Variants in RREB1 observed in about 807,000 individuals in gnomAD.
RREB1 encodes the protein ras responsive element binding protein 1, also known as ras-responsive element-binding protein 1.
RREB1 carries 27 observed loss-of-function variants against 117.8 expected under a neutral mutation model. That is an observed-to-expected ratio of 0.23 (90% CI 0.17 to 0.32). RREB1 has a LOEUF of 0.32. RREB1 is among the 10% of genes least tolerant of loss of function. The pLI is 1.00. For missense variants in RREB1, 2,577 were observed against 2,378.2 expected, an observed-to-expected ratio of 1.08 and a Z score of -1.74; for synonymous variants, 1,298 against 1,026.7, an observed-to-expected ratio of 1.26 and a Z score of -5.05.
intron 9 of RREB1, among the ~76,000 whole-genome samples, chr6:7,228,645 C>T (rs754376485): frequency 1.3e-5 from 2 of 151,628 alleles, no homozygotes; most frequent in Admixed American, 6.6e-5. Context: ...AGCTAGGACA[C>T]AGGCATGTAC....
At chr6:7,127,884 C>G (rs1762005168) in intron 1 of RREB1, among the ~76,000 whole-genome samples, 1 of 152,026 alleles carries the variant, frequency 6.6e-6, no homozygotes, top group African/African-American at 2.4e-5. Context: ...CTTGGATCCA[C>G]CCCCTTCACT....
intron 1 of RREB1, among the ~76,000 whole-genome samples, chr6:7,122,808 GT>G (rs1761733897): frequency 6.6e-6 from 1 of 150,950 alleles, no homozygotes; most frequent in African/African-American, 2.4e-5. Context: ...AATGAGAAGT[GT>G]GTTATAAATA....
At chr6:7,173,512 A>G (rs1226030373) in intron 1 of RREB1, among the ~76,000 whole-genome samples, 1 of 151,970 alleles carries the variant, frequency 6.6e-6, no homozygotes, top group African/African-American at 2.4e-5. Context: ...AAGAAAAAAA[A>G]AAAAAAGAAC....
At chr6:7,184,624 A>G (rs1764983474) in intron 4 of RREB1, 1 of 151,898 alleles carries the variant, frequency 6.6e-6, no homozygotes, top group Non-Finnish European at 1.5e-5. Context: ...GATTTTGTGG[A>G]CCTGTATGAT....
Position 7,249,031 on chromosome 6 carries a change from G to A in RREB1, c.*63G>A. On this transcript the variant is annotated 3_prime_UTR_variant, in exon 13 of 13. Coordinates refer to ENST00000379938, the MANE Select transcript of RREB1 (RefSeq NM_001003699.4). ...GAGCAAAGCGTCTATACTTCATGGG[G>A]TTTCCTCAGTGCCCTTTGGCTGTTG... The A allele has an allele frequency of 7.7e-7, 1 of 1,290,904 alleles. No individual in the cohort carries two copies. The highest frequency in any genetic ancestry group is 1.0e-6 in the Non-Finnish European group (1 of 968,734). The allele number at this position is 1,290,904 out of a possible 1,614,324, so 80.0% of individuals were successfully genotyped here.
intron 9 of RREB1, 33 bp downstream of exon 9, chr6:7,226,689 A>G (rs1317426612): frequency 1.3e-6 from 2 of 1,548,332 alleles, no homozygotes; most frequent in African/African-American, 1.4e-5. Flanking sequence ...GCAACCAGCA[A>G]CTGCCTTCCA....
In RREB1 at chr6:7,189,283, T is replaced by C; in HGVS notation, c.386T>C (p.Val129Ala). The part of the protein sequence containing the change: ...HSGERPYKCT[V>A]CGQSFTTNGN... ...GGCGAGAGGCCTTACAAGTGCACTG[T>C]GTGTGGCCAGTCATTTACCACCAAT... is the stretch of plus-strand genomic sequence containing the variant. The change falls in exon 6 of 13, where the codon GTG (valine) becomes GCG (alanine). Residue 129 changes from valine (V) to alanine (A), a missense_variant. Coordinates refer to ENST00000379938, the MANE Select transcript of RREB1 (RefSeq NM_001003699.4). 1 of 1,602,400 alleles carries C rather than the reference T, an allele frequency of 6.2e-7. No individual in the cohort carries two copies. The highest frequency in any genetic ancestry group is 8.5e-7 in the Non-Finnish European group (1 of 1,173,882).
chr6:7,166,883 T>C (rs1432902914), intron 1 of RREB1, among the ~76,000 whole-genome samples: 2 of 152,152 alleles, frequency 1.3e-5, no homozygotes, highest in South Asian at 4.1e-4. Flanking sequence ...CCCGGCGACC[T>C]CAGGGCCTGT....
At chr6:7,113,733 G>A (rs983161050) in intron 1 of RREB1, among the ~76,000 whole-genome samples, 1 of 152,192 alleles carries the variant, frequency 6.6e-6, no homozygotes, top group Non-Finnish European at 1.5e-5. Flanking sequence ...ATGGTGTGTG[G>A]TTTTTAAATA....
At chr6:7,211,500 A>G in intron 7 of RREB1, 73 bp from the exon 8 acceptor site, 2 of 1,333,404 alleles carry the variant, frequency 1.5e-6, no homozygotes, top group Non-Finnish European at 2.1e-6. Context: ...CTCTGAATTT[A>G]GCATTGGCCT....
At position 7,197,479 on chromosome 6, in the gene RREB1, G is replaced by GT. The variant is rs374713788; in HGVS notation, c.425+8160dup. 4.7e-3 allele frequency among the ~76,000 whole-genome samples: 720 copies of GT among 152,298 alleles called. 6 individuals are homozygous for GT. The highest frequency in any genetic ancestry group is 0.016 in the African/African-American group (681 of 41,554). On this transcript the variant is annotated intron_variant, in intron 6 of 12. Transcript: ENST00000379938. Reference sequence around the variant, plus strand: ...GTGAGTGGATCACTTGAGGACAGGAGTTTGAGAACAGCCTGGCCAACATGG... The same window carrying GT: ...GTGAGTGGATCACTTGAGGACAGGAGTTTTGAGAACAGCCTGGCCAACATGG...
At chr6:7,192,305 G>A (rs1279266492) in intron 6 of RREB1, among the ~76,000 whole-genome samples, 1 of 151,732 alleles carries the variant, frequency 6.6e-6, no homozygotes, top group East Asian at 1.9e-4. Flanking sequence ...TGATTCTCCT[G>A]CCTCAGCCTC....
At chr6:7,185,601 A>G (rs1212732105) in intron 4 of RREB1, among the ~76,000 whole-genome samples, 2 of 151,986 alleles carry the variant, frequency 1.3e-5, no homozygotes, top group Non-Finnish European at 2.9e-5. Context: ...TATTGCTCAG[A>G]ATGAGACTTG....
intron 6 of RREB1, among the ~76,000 whole-genome samples, chr6:7,196,231 GTT>G (rs1179803646): frequency 3.6e-5 from 3 of 83,780 alleles, no homozygotes; most frequent in Admixed American, 1.2e-4. Flanking sequence ...TTTTTTTTTT[GTT>G]TTTTTTTTTT....
chr6:7,154,270 A>G (rs1326514661), intron 1 of RREB1, among the ~76,000 whole-genome samples: 2 of 152,248 alleles, frequency 1.3e-5, no homozygotes, highest in Admixed American at 1.3e-4. Context: ...GGAACTTGTT[A>G]GAAACACAGA....
At chr6:7,227,872 C>T (rs1411118078) in intron 9 of RREB1, among the ~76,000 whole-genome samples, 1 of 152,162 alleles carries the variant, frequency 6.6e-6, no homozygotes, top group Non-Finnish European at 1.5e-5. Context: ...TCAAGACCAG[C>T]CTGGCCAACA....
At chr6:7,193,906 GTA>G (rs1241048487) in intron 6 of RREB1, among the ~76,000 whole-genome samples, 3 of 152,166 alleles carry the variant, frequency 2.0e-5, no homozygotes, top group African/African-American at 7.2e-5. Flanking sequence ...CGCACAGACT[GTA>G]TGTGAGAAAT....
intron 6 of RREB1, among the ~76,000 whole-genome samples, chr6:7,209,445 A>G (rs1161515539): frequency 2.0e-5 from 3 of 152,220 alleles, no homozygotes; most frequent in Non-Finnish European, 4.4e-5. Context: ...TCCTCAAATC[A>G]TAATCACTTT....
chr6:7,217,778 T>A (rs915390814), intron 8 of RREB1: 1 of 152,118 alleles, frequency 6.6e-6, no homozygotes, highest in Non-Finnish European at 1.5e-5. Context: ...AAAATTAAAA[T>A]TTTTAGATAT....
Sources: gnomAD v4.1 joint callset for allele counts (sites outside exome capture counted in the v4.1 genomes callset) on GRCh38, gnomAD v4.1.1 for gene constraint, MANE v1.5 for transcripts, NCBI Gene and HGNC (gene_info 2026-07-23, HGNC 2026-07-21) for gene names.